The following CACNG5 variants were observed in gnomAD, a reference collection of about 807,000 sequenced individuals.
CACNG5 encodes voltage-dependent calcium channel gamma-5 subunit.
In CACNG5, 18 loss-of-function variants were observed where a neutral mutation model predicts 24.8. The observed-to-expected ratio is 0.73, with a 90% confidence interval of 0.50 to 1.08. The LOEUF (loss-of-function observed/expected upper bound fraction) is 1.08. CACNG5 is among the 50% of genes least tolerant of loss of function. The pLI is 0.00. For missense variants in CACNG5, 349 were observed against 367.9 expected (o/e 0.95, Z 0.42); for synonymous variants, 157 against 149.1 (o/e 1.05, Z -0.39).
At chr17:66,839,805 G>A (rs567184054) in intron 1 of CACNG5, among the ~76,000 whole-genome samples, 73 of 152,254 alleles carry the variant, frequency 4.8e-4, no homozygotes, top group Non-Finnish European at 9.7e-4. Context: ...TACCTGCTAG[G>A]CACAAACGCC....
chr17:66,884,559 C>G lies in CACNG5; in HGVS notation c.468C>G (p.Ile156Met). The change falls in exon 5 of 6, where the codon ATC (isoleucine) becomes ATG (methionine). Residue 156 changes from isoleucine (I) to methionine (M), a missense_variant. Coordinates refer to ENST00000533854, the MANE Select transcript of CACNG5 (RefSeq NM_145811.3). ...GCCTGGTGCTCTACATCTCCAGCAT[C>G]AACGATGAGATGCTCAACAGGACCA... ...VVGLVLYISS[I>M]NDEMLNRTKD... 6.2e-7 allele frequency: 1 copy of G among 1,614,004 alleles called. No individual in the cohort carries two copies. Among genetic ancestry groups the G allele is most frequent in the South Asian group, 1.1e-5 (1 of 91,044 alleles).
chr17:66,877,093 C>A, intron 1 of CACNG5, 137 bp from the exon 2 acceptor site: 1 of 491,510 alleles, frequency 2.0e-6, no homozygotes, highest in Non-Finnish European at 3.6e-6. Flanking sequence ...CTCTGAATTG[C>A]TGCGGGGTTA....
At chr17:66,860,882 T>A (rs555613265) in intron 1 of CACNG5, among the ~76,000 whole-genome samples, 1 of 152,120 alleles carries the variant, frequency 6.6e-6, no homozygotes, top group East Asian at 1.9e-4. Context: ...GCTCATCAGC[T>A]ATCATTAATG....
chr17:66,852,305 A>C (rs928104182), intron 1 of CACNG5, among the ~76,000 whole-genome samples: 3 of 152,170 alleles, frequency 2.0e-5, no homozygotes, highest in African/African-American at 7.2e-5. Flanking sequence ...GTTATACCTG[A>C]GTCCACAGCT....
intron 1 of CACNG5, among the ~76,000 whole-genome samples, chr17:66,862,892 C>CTCTCTCTCTCTGTGTGTG (rs567913804): frequency 2.8e-4 from 40 of 142,258 alleles, no homozygotes; most frequent in African/African-American, 9.3e-4. Context: ...AGCATATTCT[C>CTCTCTCTCTCTGTGTGTG]TGTGTGTGTG....
chr17:66,886,818 G>A lies in CACNG5; in HGVS notation c.*1578G>A, dbSNP rs150370124. Among the ~76,000 whole-genome samples, 521 of 152,238 alleles carry A rather than the reference G, an allele frequency of 3.4e-3. 4 individuals carry two copies. The highest frequency in any genetic ancestry group is 0.012 in the African/African-American group (490 of 41,530). On this transcript the variant is annotated 3_prime_UTR_variant, in exon 6 of 6. Coordinates refer to ENST00000533854, the MANE Select transcript of CACNG5 (RefSeq NM_145811.3). ...GAATTTTCCTACAGTTCTGGGTACC[G>A]GAGTCCAAGATCACGGTGTTGGCAG...
At chr17:66,875,867 T>A (rs1326791282) in intron 1 of CACNG5, among the ~76,000 whole-genome samples, 2 of 152,200 alleles carry the variant, frequency 1.3e-5, no homozygotes, top group Non-Finnish European at 2.9e-5. Flanking sequence ...CCTTTCTGAG[T>A]TGCCCCAGGC....
At chr17:66,857,941 A>T (rs1364912171) in intron 1 of CACNG5, among the ~76,000 whole-genome samples, 1 of 152,170 alleles carries the variant, frequency 6.6e-6, no homozygotes, top group African/African-American at 2.4e-5. Context: ...GATGACACTC[A>T]TGGGCAGCGG....
chr17:66,855,760 G>C (rs1186365240), intron 1 of CACNG5, among the ~76,000 whole-genome samples: 2 of 152,194 alleles, frequency 1.3e-5, no homozygotes, highest in African/African-American at 4.8e-5. Flanking sequence ...GCCTCCCAAA[G>C]TGCTGGGATT....
At chr17:66,847,658 TC>T (rs1255776976) in intron 1 of CACNG5, among the ~76,000 whole-genome samples, 4 of 151,580 alleles carry the variant, frequency 2.6e-5, no homozygotes, top group Non-Finnish European at 4.4e-5. Context: ...CATATCACCT[TC>T]CCCCTAGGGT....
intron 4 of CACNG5, among the ~76,000 whole-genome samples, chr17:66,882,024 G>A (rs567386597): frequency 7.2e-5 from 11 of 152,206 alleles, no homozygotes; most frequent in Admixed American, 3.3e-4. Context: ...TTGGATTTTC[G>A]AATGACCATG....
intron 1 of CACNG5, among the ~76,000 whole-genome samples, chr17:66,869,272 C>T (rs1976970251): frequency 6.6e-6 from 1 of 151,950 alleles, no homozygotes; most frequent in Non-Finnish European, 1.5e-5. Context: ...TTAATAGAAA[C>T]AGGATTTCAC....
At position 66,887,635 on chromosome 17, in the gene CACNG5, C is replaced by A. The variant is rs186263482; in HGVS notation, c.*2395C>A. Among the ~76,000 whole-genome samples the A allele has an allele frequency of 8.5e-5, 13 of 152,280 alleles. No individual in the cohort carries two copies. In the East Asian group the frequency reaches 2.5e-3, roughly 29 times the overall value. On this transcript the variant is annotated 3_prime_UTR_variant, in exon 6 of 6. Coordinates refer to ENST00000533854, the MANE Select transcript of CACNG5 (RefSeq NM_145811.3). ...ATTGCACTTTTCTCTCTCTAGAACA[C>A]TCTTTCTCTGTCACTGTGCCAGGCT...
chr17:66,863,882 C>T (rs1217135090), intron 1 of CACNG5, among the ~76,000 whole-genome samples: 1 of 152,180 alleles, frequency 6.6e-6, no homozygotes, highest in Non-Finnish European at 1.5e-5. Context: ...TTTTACTGGA[C>T]AGGACATTCT....
chr17:66,879,067 C>T lies in CACNG5; in HGVS notation c.283+9C>T. On this transcript the variant is annotated intron_variant, in intron 3 of 5. Transcript: ENST00000533854. ...CACGGTCAATGTTCTAAGTAAGTGC[C>T]TTGAGTCTGGCAACCTGGGCCACTG... 6.2e-7 allele frequency: 1 copy of T among 1,611,722 alleles called. No homozygotes were observed. The highest frequency in any genetic ancestry group is 8.5e-7 in the Non-Finnish European group (1 of 1,178,040).
chr17:66,893,506 T>A lies in CACNG5; in HGVS notation c.*8266T>A, dbSNP rs1412358479. Among the ~76,000 whole-genome samples, 1 of 152,228 alleles carries A rather than the reference T, an allele frequency of 6.6e-6. No homozygotes were observed. The highest frequency in any genetic ancestry group is 1.5e-5 in the Non-Finnish European group (1 of 68,042). On this transcript the variant is annotated 3_prime_UTR_variant, in exon 6 of 6. Transcript: ENST00000533854. ...ATTGAAGCAACTGGAGAAAGACTCA[T>A]GACACAAGTTTGGCCATGGAACATG...
rs1977369657 is a variant in CACNG5, at chr17:66,893,274, A to G, written c.*8034A>G. 6.6e-6 allele frequency among the ~76,000 whole-genome samples: 1 copy of G among 152,186 alleles called. No homozygotes were observed. Among genetic ancestry groups the G allele is most frequent in the African/African-American group, 2.4e-5 (1 of 41,442 alleles). ...AGAGAAATAATCCAGGTTCCCATCC[A>G]AAGATAAATGGGGGAAGGAAAGGTC... On this transcript the variant is annotated 3_prime_UTR_variant, in exon 6 of 6. Transcript: ENST00000533854.
chr17:66,858,133 C>A (rs1976806504), intron 1 of CACNG5, among the ~76,000 whole-genome samples: 1 of 152,136 alleles, frequency 6.6e-6, no homozygotes. Flanking sequence ...GGCTTTCTGG[C>A]CTTGCAACAT....
At chr17:66,871,076 C>T (rs895755411) in intron 1 of CACNG5, among the ~76,000 whole-genome samples, 6 of 152,100 alleles carry the variant, frequency 3.9e-5, no homozygotes, top group East Asian at 1.9e-4. Context: ...ACAGGGCCCC[C>T]GCCTCTCAGT....
Sources: allele counts gnomAD v4.1 joint callset (sites outside exome capture counted in the v4.1 genomes callset), GRCh38; gene constraint gnomAD v4.1.1; transcripts MANE v1.5; gene names NCBI Gene and HGNC (gene_info 2026-07-23, HGNC 2026-07-21).